UNC79: variants seen among roughly 807,000 people sequenced by gnomAD.
The protein encoded by UNC79 is protein unc-79 homolog.
Under a neutral mutation model 283.1 loss-of-function variants are expected in UNC79, and 37 were observed. The observed-to-expected ratio is 0.13, with a 90% CI of 0.10 to 0.17. UNC79 has a LOEUF of 0.17. Among genes scored for constraint, UNC79 ranks in the 10% least tolerant of loss-of-function variants. UNC79 has a pLI of 1.00. For missense variants in UNC79, 2,272 were observed against 3,211.1 expected, an observed-to-expected ratio of 0.71 and a Z score of 7.07; for synonymous variants, 1,107 against 1,200.2, an observed-to-expected ratio of 0.92 and a Z score of 1.61.
chr14:93,549,780 G>T (rs2061779469), intron 14 of UNC79, among the ~76,000 whole-genome samples: 1 of 152,212 alleles, frequency 6.6e-6, no homozygotes, highest in Non-Finnish European at 1.5e-5. Context: ...TTAACAGTTG[G>T]CTGCCTTTGA....
intron 31 of UNC79, among the ~76,000 whole-genome samples, chr14:93,635,563 A>G (rs78627965): frequency 0.022 from 3,278 of 152,244 alleles, 109 homozygotes; most frequent in African/African-American, 0.075. Flanking sequence ...AAATATTGAG[A>G]TACTTTTATT....
At chr14:93,493,063 G>C (rs1237440207) in intron 5 of UNC79, among the ~76,000 whole-genome samples, 1 of 152,188 alleles carries the variant, frequency 6.6e-6, no homozygotes, top group African/African-American at 2.4e-5. Context: ...AGTGCTTCAA[G>C]TATGTTATAC....
At chr14:93,431,029 C>T in exon 1 of UNC79, 1 of 701,816 alleles carries the variant, frequency 1.4e-6, no homozygotes, top group Non-Finnish European at 2.6e-6. Flanking sequence ...TGGACAGCAC[C>T]ATGTCCACCA....
chr14:93,404,711 A>T (rs1056347613), intron 1 of UNC79, among the ~76,000 whole-genome samples: 5 of 151,012 alleles, frequency 3.3e-5, no homozygotes, highest in African/African-American at 1.2e-4. Context: ...TATAAGCTTA[A>T]GTATATCAGA....
downstream of UNC79, chr14:93,707,610 G>A (rs979802099): frequency 1.3e-5 from 2 of 152,078 alleles, no homozygotes; most frequent in African/African-American, 4.8e-5. Context: ...GTTAATACTT[G>A]TATACAATTT....
chr14:93,470,896 G>T (rs940563604), intron 2 of UNC79, among the ~76,000 whole-genome samples: 2 of 152,146 alleles, frequency 1.3e-5, no homozygotes, highest in African/African-American at 2.4e-5. Flanking sequence ...AACAGCGAAG[G>T]TCTTTAAGAA....
At chr14:93,696,784 A>T (rs1333748296) in intron 47 of UNC79, among the ~76,000 whole-genome samples, 1 of 151,734 alleles carries the variant, frequency 6.6e-6, no homozygotes, top group Non-Finnish European at 1.5e-5. Flanking sequence ...CCATTTACCA[A>T]TTTTTTTCTT....
At chr14:93,469,357 C>T (rs2057380451) in intron 2 of UNC79, among the ~76,000 whole-genome samples, 1 of 152,148 alleles carries the variant, frequency 6.6e-6, no homozygotes, top group African/African-American at 2.4e-5. Flanking sequence ...ACGGAGGCAA[C>T]ATCAACATGT....
At chr14:93,347,217 G>A in intron 1 of UNC79, 2 of 1,527,884 alleles carry the variant, frequency 1.3e-6, no homozygotes, top group South Asian at 1.2e-5. Context: ...GCGTTACTTG[G>A]CCTCACCTCA....
Position 93,607,826 on chromosome 14 carries a change from T to G in UNC79, c.3754+4408T>G, listed in dbSNP as rs192538087. ...TCTTGCATTGACCTTTCCTGTCTCC[T>G]TAGTGTCCCAGCCTAGAATTCCAAA... On this transcript the variant is annotated intron_variant, in intron 26 of 48. Coordinates refer to ENST00000555664, the Ensembl canonical transcript of UNC79. Among the ~76,000 whole-genome samples, 91 of 152,354 alleles carry G rather than the reference T, an allele frequency of 6.0e-4. 1 individual carries two copies. In the East Asian group the frequency reaches 0.017, roughly 28 times the overall value.
chr14:93,366,556 GATTCTTTTTTT>G (rs1165679023), intron 1 of UNC79, among the ~76,000 whole-genome samples: 2 of 150,532 alleles, frequency 1.3e-5, no homozygotes, highest in Non-Finnish European at 3.0e-5. Flanking sequence ...AAGTTCTCTT[GATTCTTTTTTT>G]ATTCTTTTTT....
At chr14:93,649,510 A>G (rs569221689) in intron 35 of UNC79, among the ~76,000 whole-genome samples, 106 of 152,258 alleles carry the variant, frequency 7.0e-4, no homozygotes, top group African/African-American at 2.5e-3. Context: ...ATTTTCCCCT[A>G]CATACTTCAG....
intron 35 of UNC79, among the ~76,000 whole-genome samples, chr14:93,650,234 G>A (rs550794241): frequency 6.6e-6 from 1 of 152,162 alleles, no homozygotes; most frequent in South Asian, 2.1e-4. Flanking sequence ...GGTTTTTTCA[G>A]TTGGGGGGTA....
At chr14:93,347,916 C>G (rs531908711) in intron 1 of UNC79, 3 of 634,910 alleles carry the variant, frequency 4.7e-6, no homozygotes, top group Admixed American at 5.2e-5. Flanking sequence ...GCGCCTGTTT[C>G]TAGGACAACG....
intron 14 of UNC79, among the ~76,000 whole-genome samples, chr14:93,554,141 A>G (rs1295560731): frequency 1.3e-5 from 2 of 152,170 alleles, no homozygotes; most frequent in Non-Finnish European, 2.9e-5. Context: ...CGAGGTCAGG[A>G]ATTTGAGACC....
At position 93,702,684 on chromosome 14, in the gene UNC79, G is replaced by A. The variant is rs1043669334; in HGVS notation, c.7549-1941G>A. On this transcript the variant is annotated intron_variant, in intron 47 of 48. Transcript: ENST00000555664. ...TCCCAAAAAGCTCTCCTTCGTCTTT[G>A]GTTTTGTTCATTACATCAGTGTCCC... Among the ~76,000 whole-genome samples the A allele has an allele frequency of 2.6e-5, 4 of 152,148 alleles. No individual in the cohort carries two copies. The South Asian group carries it at 8.3e-4, about 32-fold the overall frequency.
At chr14:93,527,145 T>C (rs892554691) in intron 8 of UNC79, among the ~76,000 whole-genome samples, 3 of 152,262 alleles carry the variant, frequency 2.0e-5, no homozygotes, top group Admixed American at 6.5e-5. Flanking sequence ...TGATTTTACC[T>C]GGTTCTACTT....
exon 17 of UNC79, chr14:93,575,177 A>G (rs771362926): frequency 6.2e-7 from 1 of 1,613,906 alleles, no homozygotes; most frequent in South Asian, 1.1e-5. Flanking sequence ...GTGAACTGGC[A>G]GGGAACCTTG....
At chr14:93,466,348 C>T (rs1358617749) in intron 1 of UNC79, among the ~76,000 whole-genome samples, 1 of 152,238 alleles carries the variant, frequency 6.6e-6, no homozygotes, top group Non-Finnish European at 1.5e-5. Flanking sequence ...TGGACGTTCA[C>T]ATTCATGTGG....
Sources: allele counts gnomAD v4.1 joint callset (sites outside exome capture counted in the v4.1 genomes callset), GRCh38; gene constraint gnomAD v4.1.1; transcripts MANE v1.5; gene names NCBI Gene and HGNC (gene_info 2026-07-23, HGNC 2026-07-21).